TM9SF3: variants seen among roughly 807,000 people sequenced by gnomAD.
The protein encoded by TM9SF3 is transmembrane 9 superfamily member 3, also known as SM-11044-binding protein.
A neutral mutation model predicts 78.6 loss-of-function variants in TM9SF3; 14 were observed. The observed-to-expected ratio is 0.18, with a 90% CI of 0.12 to 0.28. The LOEUF (loss-of-function observed/expected upper bound fraction) is 0.28. TM9SF3 is among the 10% of genes least tolerant of loss of function. The probability of loss-of-function intolerance (pLI) is 1.00; values close to 1 mark genes in which losing one functional copy is unlikely to be tolerated. For missense variants in TM9SF3, 496 were observed against 721.9 expected, an observed-to-expected ratio of 0.69 and a Z score of 3.59; for synonymous variants, 231 against 241.7, an observed-to-expected ratio of 0.96 and a Z score of 0.41.
intron 1 of TM9SF3, among the ~76,000 whole-genome samples, chr10:96,585,756 G>A (rs1460903831): frequency 6.6e-6 from 1 of 152,184 alleles, no homozygotes; most frequent in Non-Finnish European, 1.5e-5. Context: ...TACAAACACA[G>A]TCTCTCATAG....
Position 96,559,750 on chromosome 10 carries a change from T to A in TM9SF3, c.583-14A>T, listed in dbSNP as rs1159048340. 6.6e-7 allele frequency: 1 copy of A among 1,522,810 alleles called. No homozygotes were observed. Among genetic ancestry groups the A allele is most frequent in the Admixed American group, 1.9e-5 (1 of 51,668 alleles). The allele number at this position is 1,522,810 out of a possible 1,614,324, so 94.3% of individuals were successfully genotyped here. Reference sequence around the variant, plus strand: ...TTTCCATTTTACCTAAAAAAAATTTTTTCATTTGAAAATAAAGGCCAGTAA... The same window carrying A: ...TTTCCATTTTACCTAAAAAAAATTTATTCATTTGAAAATAAAGGCCAGTAA... On this transcript the variant is annotated splice_polypyrimidine_tract_variant and intron_variant, in intron 4 of 14. Coordinates refer to ENST00000371142, the MANE Select transcript of TM9SF3 (RefSeq NM_020123.4).
At chr10:96,580,727 T>G (rs761272997) in intron 1 of TM9SF3, among the ~76,000 whole-genome samples, 20 of 152,056 alleles carry the variant, frequency 1.3e-4, no homozygotes, top group Non-Finnish European at 2.9e-4. Flanking sequence ...ATCTCACCAT[T>G]TTTGTAATAA....
Position 96,586,889 on chromosome 10 carries a change from G to A in TM9SF3, c.-54C>T. ...CTCACCGACTCCTCCTCCCGCCGCC[G>A]CCTCCTCCGCCGCCGCCGCCTCCGC... On this transcript the variant is annotated 5_prime_UTR_variant, in exon 1 of 15. Transcript: ENST00000371142. 1.0e-6 allele frequency: 1 copy of A among 967,706 alleles called. No homozygotes were observed. Among genetic ancestry groups the A allele is most frequent in the Non-Finnish European group, 1.3e-6 (1 of 777,638 alleles). 59.9% of individuals were successfully genotyped at this position (967,706 alleles called of 1,614,324 possible). A position where few individuals can be genotyped will look rare whatever the true frequency, so the allele number is the denominator to read the frequency against.
At chr10:96,541,503 C>T (rs1848031313) in intron 9 of TM9SF3, among the ~76,000 whole-genome samples, 1 of 152,174 alleles carries the variant, frequency 6.6e-6, no homozygotes, top group Admixed American at 6.5e-5. Context: ...CCTGCCTCAG[C>T]CTCCCGAGTA....
intron 5 of TM9SF3, among the ~76,000 whole-genome samples, chr10:96,558,811 G>T (rs545510695): frequency 6.6e-6 from 1 of 152,052 alleles, no homozygotes; most frequent in Admixed American, 6.6e-5. Flanking sequence ...TCAAAAATAG[G>T]TGATTAATAA....
In TM9SF3 at chr10:96,576,462, G is replaced by A. The variant is rs534100827; in HGVS notation, c.298+172C>T. 142 of 485,638 alleles carry A rather than the reference G, an allele frequency of 2.9e-4. 4 individuals are homozygous for A. In the South Asian group the frequency reaches 8.7e-3, roughly 30 times the overall value. 30.1% of individuals were successfully genotyped at this position (485,638 alleles called of 1,614,324 possible). A position where few individuals can be genotyped will look rare whatever the true frequency, so the allele number is the denominator to read the frequency against. On this transcript the variant is annotated intron_variant, in intron 2 of 14. Coordinates refer to ENST00000371142, the MANE Select transcript of TM9SF3 (RefSeq NM_020123.4). ...CTTTTTTGGTTTTCACAACTGGAAGGTGCTACTGGCATCTGGGGGGTACAG... is the reference window on the plus strand; with the variant it reads ...CTTTTTTGGTTTTCACAACTGGAAGATGCTACTGGCATCTGGGGGGTACAG...
At chr10:96,570,985 C>T (rs748469238) in intron 2 of TM9SF3, among the ~76,000 whole-genome samples, 4 of 152,060 alleles carry the variant, frequency 2.6e-5, no homozygotes, top group East Asian at 1.9e-4. Context: ...GTGATCCACC[C>T]GCCTCGGCTT....
chr10:96,578,771 T>C (rs981962998), intron 1 of TM9SF3, among the ~76,000 whole-genome samples: 5 of 152,188 alleles, frequency 3.3e-5, no homozygotes, highest in African/African-American at 1.2e-4. Flanking sequence ...TGAGAGTTGG[T>C]ATTAGAATTA....
rs1326909637 is a variant in TM9SF3, at chr10:96,559,710, T to C, written c.609A>G (p.Lys203=). The change falls in exon 5 of 15, where the codon AAA becomes AAG. Residue 203 remains lysine, a synonymous_variant. Transcript: ENST00000371142. ...GATATTTGTCAAATCGATCTTCAAATTTCACATCTGACTTTTTCCATTTTA... is the reference window on the plus strand; with the variant it reads ...GATATTTGTCAAATCGATCTTCAAACTTCACATCTGACTTTTTCCATTTTA... ...YSVKWKKSDV[K]FEDRFDKYLD... is the part of the protein sequence containing the mutation. 1.9e-6 allele frequency: 3 copies of C among 1,591,410 alleles called. No individual in the cohort carries two copies. The highest frequency in any genetic ancestry group is 1.7e-6 in the Non-Finnish European group (2 of 1,166,438).
chr10:96,556,486 T>C (rs1848235371), intron 5 of TM9SF3, among the ~76,000 whole-genome samples: 1 of 152,194 alleles, frequency 6.6e-6, no homozygotes, highest in South Asian at 2.1e-4. Flanking sequence ...TTGCCTGTGC[T>C]ATTAGTCACT....
At chr10:96,557,723 T>C (rs992524961) in intron 5 of TM9SF3, among the ~76,000 whole-genome samples, 1 of 152,180 alleles carries the variant, frequency 6.6e-6, no homozygotes, top group African/African-American at 2.4e-5. Flanking sequence ...TGGAATACTC[T>C]TTCCCCTAAA....
At chr10:96,557,518 T>C (rs768402547) in intron 5 of TM9SF3, among the ~76,000 whole-genome samples, 4 of 99,262 alleles carry the variant, frequency 4.0e-5, no homozygotes, top group Non-Finnish European at 8.3e-5. Context: ...AAAAGTCAGA[T>C]TTGTTACCCC....
At chr10:96,560,182 C>A (rs745678468) in intron 4 of TM9SF3, 324 of 975,866 alleles carry the variant, frequency 3.3e-4, no homozygotes, top group Non-Finnish European at 4.7e-4. Flanking sequence ...GTGCTGCCAC[C>A]CCATGGAAGA....
intron 1 of TM9SF3, among the ~76,000 whole-genome samples, chr10:96,585,882 GC>G (rs1848622932): frequency 1.3e-5 from 2 of 152,204 alleles, no homozygotes; most frequent in African/African-American, 4.8e-5. Flanking sequence ...CACAGTTACA[GC>G]CCTAAGTGAA....
chr10:96,528,031 C>T lies in TM9SF3; in HGVS notation c.1541G>A (p.Trp514Ter). 6.2e-7 allele frequency: 1 copy of T among 1,606,294 alleles called. No homozygotes were observed. The highest frequency in any genetic ancestry group is 8.5e-7 in the Non-Finnish European group (1 of 1,176,142). Residue 514 changes from tryptophan to a stop codon, truncating the protein, a stop_gained and splice_region_variant, in exon 12 of 15, where the codon TGG (tryptophan) becomes TAG (stop). Coordinates refer to ENST00000371142, the MANE Select transcript of TM9SF3 (RefSeq NM_020123.4). LOFTEE classifies it high-confidence loss of function. ...TTTCTATCCACAAATAGGTACTTACCACCGGTAATCTTCTGCATTTAGTAG... is the reference window on the plus strand; with the variant it reads ...TTTCTATCCACAAATAGGTACTTACTACCGGTAATCTTCTGCATTTAGTAG... ...YFLLNAEDYR[W>*]QWTSFLSAAS... is the part of the protein sequence containing the mutation.
Position 96,547,974 on chromosome 10 carries a change from G to A in TM9SF3, c.975C>T (p.Leu325=), listed in dbSNP as rs562637602. The change falls in exon 8 of 15, where the codon CTC becomes CTT. Residue 325 remains leucine (L), a synonymous_variant. Transcript: ENST00000371142. ...CAGCATAGACAAATATGGCTGTACTGAGCATTGATCCCCTCCTAAAAAGGC... is the reference window on the plus strand; with the variant it reads ...CAGCATAGACAAATATGGCTGTACTAAGCATTGATCCCCTCCTAAAAAGGC... The part of the protein sequence containing the change: ...EDLYTERGSM[L]STAIFVYAAT... 6 of 1,602,636 alleles carry A rather than the reference G, an allele frequency of 3.7e-6. No homozygotes were observed. The highest frequency in any genetic ancestry group is 1.3e-5 in the African/African-American group (1 of 74,364).
intron 14 of TM9SF3, among the ~76,000 whole-genome samples, chr10:96,525,020 C>T (rs1174738279): frequency 1.3e-5 from 2 of 152,012 alleles, no homozygotes; most frequent in Non-Finnish European, 2.9e-5. Context: ...TAGCTAGATT[C>T]ATTCCATTTT....
intron 8 of TM9SF3, among the ~76,000 whole-genome samples, chr10:96,545,490 A>T (rs142988716): frequency 6.6e-6 from 1 of 152,356 alleles, no homozygotes; most frequent in African/African-American, 2.4e-5. Flanking sequence ...GGAACAATAC[A>T]AAAAGGTGGT....
chr10:96,526,090 CT>C (rs1360084749), intron 14 of TM9SF3, among the ~76,000 whole-genome samples: 1 of 152,090 alleles, frequency 6.6e-6, no homozygotes, highest in African/African-American at 2.4e-5. Context: ...ACTGAATCCT[CT>C]TTATAGCCCT....
Sources: allele counts gnomAD v4.1 joint callset (sites outside exome capture counted in the v4.1 genomes callset), GRCh38; gene constraint gnomAD v4.1.1; transcripts MANE v1.5; gene names NCBI Gene and HGNC (gene_info 2026-07-23, HGNC 2026-07-21).